The following HRH1 variants were observed in gnomAD, a reference collection of about 807,000 sequenced individuals.
HRH1 encodes the protein histamine H1 receptor.
In HRH1, 6 loss-of-function variants were observed where a neutral mutation model predicts 10.3. The ratio of observed to expected loss-of-function variants is 0.58; its 90% CI spans 0.32 to 1.15. HRH1 has a LOEUF of 1.15. HRH1 is among the 50% of genes most tolerant of loss of function. The probability of loss-of-function intolerance (pLI) is 0.05; values close to 1 mark genes in which losing one functional copy is unlikely to be tolerated. For synonymous variants in HRH1, 242 were observed against 236.7 expected (o/e 1.02, Z -0.21); for missense variants, 514 against 615.3 (o/e 0.84, Z 1.74).
At chr3:11,162,515 G>A (rs985811016) in intron 1 of HRH1, among the ~76,000 whole-genome samples, 1 of 151,730 alleles carries the variant, frequency 6.6e-6, no homozygotes, top group Admixed American at 6.6e-5. Context: ...GCACTCCAGG[G>A]CTTTCCATTT....
chr3:11,213,833 G>A (rs1938406324), intron 1 of HRH1, among the ~76,000 whole-genome samples: 1 of 152,220 alleles, frequency 6.6e-6, no homozygotes, highest in Non-Finnish European at 1.5e-5. Flanking sequence ...GATAAACGGT[G>A]GCTGCCCTGG....
At position 11,260,775 on chromosome 3, in the gene HRH1, T is replaced by G. The variant is rs78611023; in HGVS notation, c.*274T>G. 1.9e-3 allele frequency: 741 copies of G among 399,858 alleles called. 5 individuals are homozygous for G. Among genetic ancestry groups the G allele is most frequent in the African/African-American group, 0.014 (686 of 48,404 alleles). 24.8% of individuals were successfully genotyped at this position (399,858 alleles called of 1,614,324 possible). ...ACTGGGTTCAAAAAGAAAAAAATAATAAAAATAAAAGAGAGAGAGAATCAG... is the reference window on the plus strand; with the variant it reads ...ACTGGGTTCAAAAAGAAAAAAATAAGAAAAATAAAAGAGAGAGAGAATCAG... On this transcript the variant is annotated 3_prime_UTR_variant, in exon 2 of 2. Transcript: ENST00000431010.
intron 1 of HRH1, among the ~76,000 whole-genome samples, chr3:11,197,935 C>T (rs541030209): frequency 6.0e-4 from 92 of 152,266 alleles, no homozygotes; most frequent in African/African-American, 2.1e-3. Flanking sequence ...TGTCTCTCAA[C>T]TCCAATCTCA....
intron 1 of HRH1, among the ~76,000 whole-genome samples, chr3:11,218,734 C>G (rs1438472082): frequency 6.6e-6 from 1 of 151,866 alleles, no homozygotes; most frequent in African/African-American, 2.4e-5. Context: ...GCCACCACGC[C>G]CAGCTAATTT....
At chr3:11,250,886 CTTGTCTAGCAAGGGTATAAA>C (rs772721871) in intron 1 of HRH1, among the ~76,000 whole-genome samples, 8 of 152,176 alleles carry the variant, frequency 5.3e-5, no homozygotes, top group Non-Finnish European at 1.2e-4. Flanking sequence ...CGATCTGCAA[CTTGTCTAGCAAGGGTATAAA>C]TTCCTACGCA....
At chr3:11,163,435 C>T (rs1457526425) in intron 1 of HRH1, among the ~76,000 whole-genome samples, 1 of 152,178 alleles carries the variant, frequency 6.6e-6, no homozygotes, top group Non-Finnish European at 1.5e-5. Context: ...CCTGGCCAGC[C>T]TCAGAAGGCA....
At chr3:11,165,430 G>A (rs991599076) in intron 1 of HRH1, among the ~76,000 whole-genome samples, 1 of 152,138 alleles carries the variant, frequency 6.6e-6, no homozygotes, top group South Asian at 2.1e-4. Flanking sequence ...TTGAGTTTCT[G>A]ATATTAAGTG....
At chr3:11,227,347 C>G (rs527273002) in intron 1 of HRH1, among the ~76,000 whole-genome samples, 3 of 151,272 alleles carry the variant, frequency 2.0e-5, no homozygotes, top group Admixed American at 2.0e-4. Flanking sequence ...AGTGCCGTGA[C>G]GTGATATCAG....
At chr3:11,235,902 G>A (rs779520832) in intron 1 of HRH1, among the ~76,000 whole-genome samples, 73 of 152,154 alleles carry the variant, frequency 4.8e-4, no homozygotes, top group African/African-American at 1.7e-3. Flanking sequence ...TGCCTGTGCC[G>A]ATTGCCATTT....
chr3:11,178,441 T>C (rs2125015714), intron 1 of HRH1, among the ~76,000 whole-genome samples: 1 of 152,338 alleles, frequency 6.6e-6, no homozygotes, highest in Middle Eastern at 3.4e-3. Context: ...CTAAATCCCC[T>C]TGGATCTCTT....
At chr3:11,199,798 C>T (rs1937831741) in intron 1 of HRH1, among the ~76,000 whole-genome samples, 1 of 152,184 alleles carries the variant, frequency 6.6e-6, no homozygotes, top group Admixed American at 6.5e-5. Context: ...AGGTGCTCCC[C>T]AGATGAGGAA....
chr3:11,202,430 A>T (rs1010453995), intron 1 of HRH1, among the ~76,000 whole-genome samples: 45 of 150,044 alleles, frequency 3.0e-4, no homozygotes, highest in African/African-American at 5.1e-4. Context: ...AAATAAATAA[A>T]TAAATAATTA....
intron 1 of HRH1, among the ~76,000 whole-genome samples, chr3:11,146,106 T>C (rs567269077): frequency 6.6e-6 from 1 of 152,212 alleles, no homozygotes; most frequent in Non-Finnish European, 1.5e-5. Flanking sequence ...AGGGTAGATT[T>C]ATGTTTATTA....
At position 11,259,817 on chromosome 3, in the gene HRH1, G is replaced by A; in HGVS notation, c.780G>A (p.Leu260=). 1 of 1,613,984 alleles carries A rather than the reference G, an allele frequency of 6.2e-7. No individual in the cohort carries two copies. Among genetic ancestry groups the A allele is most frequent in the South Asian group, 1.1e-5 (1 of 91,080 alleles). The change falls in exon 2 of 2, where the codon CTG becomes CTA. Residue 260 remains leucine, a synonymous_variant. Transcript: ENST00000431010. The surrounding 1 kb of genome is among the most constrained non-coding windows in gnomAD (Gnocchi z 4.6). ...KPGKESPWEV[L]KRKPKDAGGG... Reference sequence around the variant, plus strand: ...GGAAGGAGTCTCCCTGGGAGGTTCTGAAAAGGAAGCCAAAAGATGCTGGTG... The same window carrying A: ...GGAAGGAGTCTCCCTGGGAGGTTCTAAAAAGGAAGCCAAAAGATGCTGGTG...
chr3:11,235,767 G>A (rs994320857), intron 1 of HRH1, among the ~76,000 whole-genome samples: 13 of 152,256 alleles, frequency 8.5e-5, no homozygotes, highest in African/African-American at 3.1e-4. Context: ...GGCTAGGACA[G>A]GAGCGGGGCA....
chr3:11,185,732 C>T (rs549482772), intron 1 of HRH1, among the ~76,000 whole-genome samples: 2 of 152,300 alleles, frequency 1.3e-5, no homozygotes, highest in East Asian at 1.9e-4. Context: ...TCCGATGACA[C>T]AGGCCAATAG....
rs79892790 is a variant in HRH1, at chr3:11,164,429, G to A, written c.-36+9875G>A. 4.3e-3 allele frequency among the ~76,000 whole-genome samples: 662 copies of A among 152,240 alleles called. 37 individuals carry two copies. The East Asian group carries it at 0.11, about 26-fold the overall frequency. On this transcript the variant is annotated intron_variant, in intron 1 of 1. Transcript: ENST00000431010. ...GGTTTAGATGCTTCCATGACACTGT[G>A]CACTCATCAGGATGTAAAATAAATA...
chr3:11,193,662 A>G (rs1937591047), intron 1 of HRH1, among the ~76,000 whole-genome samples: 1 of 152,222 alleles, frequency 6.6e-6, no homozygotes. Context: ...TATTTCTCAC[A>G]GTTCTGGAGG....
chr3:11,233,978 A>T (rs1425109264), intron 1 of HRH1, among the ~76,000 whole-genome samples: 1 of 152,228 alleles, frequency 6.6e-6, no homozygotes, highest in Admixed American at 6.5e-5. Flanking sequence ...CTTATTCAGC[A>T]CATGATTTAA....
Sources: allele counts gnomAD v4.1 joint callset (sites outside exome capture counted in the v4.1 genomes callset), GRCh38; gene constraint gnomAD v4.1.1; non-coding constraint Gnocchi (gnomAD v3.1); transcripts MANE v1.5; gene names NCBI Gene and HGNC (gene_info 2026-07-23, HGNC 2026-07-21).